Variants in SACM1L observed in about 807,000 individuals in gnomAD.
The protein encoded by SACM1L is SAC1 like phosphatidylinositide phosphatase, also known as phosphatidylinositol-3-phosphatase SAC1.
A neutral mutation model predicts 89.5 loss-of-function variants in SACM1L; 32 were observed. The observed-to-expected ratio is 0.36, with a 90% CI of 0.27 to 0.48. The LOEUF (loss-of-function observed/expected upper bound fraction) is 0.48, where lower values mean the gene tolerates loss of function less well. Among genes scored for constraint, SACM1L ranks in the 20% least tolerant of loss-of-function variants. The pLI is 0.99. For missense variants in SACM1L, 543 were observed against 708.5 expected, an observed-to-expected ratio of 0.77 and a Z score of 2.65; for synonymous variants, 213 against 232.8, an observed-to-expected ratio of 0.92 and a Z score of 0.77.
At chr3:45,734,335 C>A (rs1281689361) in intron 13 of SACM1L, among the ~76,000 whole-genome samples, 1 of 151,244 alleles carries the variant, frequency 6.6e-6, no homozygotes, top group African/African-American at 2.4e-5. Flanking sequence ...ATCACTTGAA[C>A]CTGGGAGGCA....
At chr3:45,704,075 T>C (rs989053113) in intron 2 of SACM1L, among the ~76,000 whole-genome samples, 6 of 152,204 alleles carry the variant, frequency 3.9e-5, no homozygotes, top group Non-Finnish European at 7.4e-5. Context: ...TATGCTTTTC[T>C]GGGATGTGAA....
At chr3:45,701,067 C>T (rs186647497) in intron 1 of SACM1L, among the ~76,000 whole-genome samples, 342 of 152,142 alleles carry the variant, frequency 2.2e-3, no homozygotes, top group African/African-American at 7.6e-3. Context: ...GTTTGGGTCT[C>T]GAGGTGACAA....
Position 45,697,199 on chromosome 3 carries a change from G to A in SACM1L, c.33-6239G>A, listed in dbSNP as rs112637171. On this transcript the variant is annotated intron_variant, in intron 1 of 19. Transcript: ENST00000389061. ...ACATTTTTTGTAGAGATGAGATCTC[G>A]CTGTGTTGACCAGGCTGGTCTCAAA... 7.2e-3 allele frequency among the ~76,000 whole-genome samples: 1,072 copies of A among 149,396 alleles called. 17 individuals carry two copies. The highest frequency in any genetic ancestry group is 0.023 in the African/African-American group (926 of 40,612).
Position 45,723,525 on chromosome 3 carries a change from A to C in SACM1L, c.903A>C (p.Lys301Asn). 6.7e-7 allele frequency: 1 copy of C among 1,503,482 alleles called. No individual in the cohort carries two copies. The highest frequency in any genetic ancestry group is 1.9e-5 in the Admixed American group (1 of 52,012). The allele number at this position is 1,503,482 out of a possible 1,614,324, so 93.1% of individuals were successfully genotyped here. A position where few individuals can be genotyped will look rare whatever the true frequency, so the allele number is the denominator to read the frequency against. ...HFDSQVIIYG[K>N]QVIINLINQK... ...ATTCCCAAGTAATTATTTATGGAAA[A>C]CAAGTTATAATCAATCTGGTATGTT... The change falls in exon 11 of 20, where the codon AAA becomes AAC. Residue 301 changes from lysine to asparagine, a missense_variant. Lys to Asn is a moderately conservative substitution (Grantham distance 94). Coordinates refer to ENST00000389061, the MANE Select transcript of SACM1L (RefSeq NM_014016.5).
intron 1 of SACM1L, among the ~76,000 whole-genome samples, chr3:45,692,992 A>C (rs7613833): frequency 0.024 from 3,587 of 152,374 alleles, 56 homozygotes; most frequent in Non-Finnish European, 0.04. Context: ...TACAAACATC[A>C]GAGTATAATT....
intron 1 of SACM1L, among the ~76,000 whole-genome samples, chr3:45,702,171 G>A (rs1478728448): frequency 6.6e-6 from 1 of 152,106 alleles, no homozygotes; most frequent in Non-Finnish European, 1.5e-5. Flanking sequence ...AAGGTTGTAA[G>A]TTATATTTGG....
At chr3:45,707,010 T>C in intron 4 of SACM1L, 103 bp downstream of exon 4, 3 of 1,107,986 alleles carry the variant, frequency 2.7e-6, no homozygotes, top group Non-Finnish European at 3.9e-6. Context: ...GCTATAATTA[T>C]TTTAACAACC....
rs561326094 is a variant in SACM1L at position 45,722,356 on chromosome 3, GAACCATT to G, written c.765+272_765+278del. Among the ~76,000 whole-genome samples the G allele has an allele frequency of 6.5e-3, 995 of 152,066 alleles. 9 individuals are homozygous for G. The highest frequency in any genetic ancestry group is 0.022 in the African/African-American group (931 of 41,472). ...ATGGAAATGGAGCCATCTGTCTATT[GAACCATT>G]TACATGTATTAAGGGCAGTGATGAT... On this transcript the variant is annotated intron_variant, in intron 9 of 19. Transcript: ENST00000389061.
intron 14 of SACM1L, 163 bp from the exon 15 acceptor site, chr3:45,737,420 A>G: frequency 1.5e-6 from 1 of 685,900 alleles, no homozygotes; most frequent in Non-Finnish European, 2.5e-6. Flanking sequence ...CCTGGGCAGG[A>G]GAGGGCTGCT....
chr3:45,721,946 A>T, intron 8 of SACM1L, 54 bp from the exon 9 acceptor site: 6 of 1,193,260 alleles, frequency 5.0e-6, no homozygotes, highest in Admixed American at 1.8e-5. Context: ...TGGGTTTCTG[A>T]TGTGTTTCTT....
At chr3:45,716,301 C>T (rs1004809237) in intron 7 of SACM1L, among the ~76,000 whole-genome samples, 2 of 152,102 alleles carry the variant, frequency 1.3e-5, no homozygotes, top group African/African-American at 4.8e-5. Context: ...TAGTGAGACC[C>T]TGTCTCTACA....
intron 5 of SACM1L, among the ~76,000 whole-genome samples, chr3:45,710,194 T>C (rs568541935): frequency 6.6e-6 from 1 of 151,946 alleles, no homozygotes; most frequent in Non-Finnish European, 1.5e-5. Flanking sequence ...AGGTTTTTTT[T>C]ATTTTGCTTT....
At chr3:45,695,277 T>C (rs1698093561) in intron 1 of SACM1L, among the ~76,000 whole-genome samples, 1 of 152,156 alleles carries the variant, frequency 6.6e-6, no homozygotes, top group Non-Finnish European at 1.5e-5. Context: ...TTTTTTTTTT[T>C]TGAGATGGGG....
At chr3:45,698,077 T>C (rs1450147192) in intron 1 of SACM1L, among the ~76,000 whole-genome samples, 1 of 152,154 alleles carries the variant, frequency 6.6e-6, no homozygotes, top group Non-Finnish European at 1.5e-5. Flanking sequence ...TTTTTGACGG[T>C]TTAAATGCTA....
chr3:45,721,063 C>T (rs954581484), intron 8 of SACM1L, among the ~76,000 whole-genome samples: 1 of 152,200 alleles, frequency 6.6e-6, no homozygotes, highest in Non-Finnish European at 1.5e-5. Flanking sequence ...AAGAACTAAA[C>T]AGCATCAAGA....
chr3:45,743,477 C>G (rs538390045), intron 19 of SACM1L, 56 bp from the exon 20 acceptor site: 201 of 1,514,308 alleles, frequency 1.3e-4, no homozygotes, highest in Middle Eastern at 9.4e-4. Context: ...CAGCTGAAAA[C>G]TGGGTCTGAT....
Position 45,731,373 on chromosome 3 carries a change from A to T in SACM1L, c.994A>T (p.Met332Leu), listed in dbSNP as rs768158285. Residue 332 changes from methionine (M) to leucine (L), a missense_variant, in exon 12 of 20, where the codon ATG becomes TTG. Physicochemically the swap from Met to Leu is conservative, Grantham distance 15. Around this residue, in one of 2 missense-constraint regions of SACM1L, gnomAD observed 370 missense variants for 527.6 expected, o/e 0.70. Transcript: ENST00000389061. ...AATGGTGTCTTCCTTGGGAAGTGGA[A>T]TGATGAGGTACCTCACTAGAAATCT... ...ATMVSSLGSG[M>L]MRYIAFDFHK... 4.0e-5 allele frequency: 64 copies of T among 1,609,882 alleles called. No homozygotes were observed. The highest frequency in any genetic ancestry group is 5.4e-5 in the Non-Finnish European group (63 of 1,176,522).
In SACM1L at chr3:45,739,604, T is replaced by A; in HGVS notation, c.1587T>A (p.Val529=). The A allele has an allele frequency of 6.2e-7, 1 of 1,614,172 alleles. No individual in the cohort carries two copies. Among genetic ancestry groups the A allele is most frequent in the East Asian group, 2.2e-5 (1 of 44,880 alleles). ...WKFLALPIIM[V]VAFSMCIICL... is the part of the protein sequence containing the mutation. ...TTTTCCAGTTGCCTATTATCATGGT[T>A]GTTGCCTTTTCAATGTGCATTATCT... Residue 529 remains valine (V), a synonymous_variant, in exon 19 of 20, where the codon GTT becomes GTA. Transcript: ENST00000389061.
chr3:45,709,490 G>T lies in SACM1L; in HGVS notation c.334-8G>T, dbSNP rs1226504093. On this transcript the variant is annotated splice_region_variant and splice_polypyrimidine_tract_variant and intron_variant, in intron 4 of 19. Coordinates refer to ENST00000389061, the MANE Select transcript of SACM1L (RefSeq NM_014016.5). ...TTATGAGCTATACTGATTTTTCTTT[G>T]TTTATAGTTACAAGATAATAAAACC... 2 of 1,595,614 alleles carry T rather than the reference G, an allele frequency of 1.3e-6. No homozygotes were observed. Among genetic ancestry groups the T allele is most frequent in the Non-Finnish European group, 1.7e-6 (2 of 1,171,928 alleles).
Sources: gnomAD v4.1 joint callset for allele counts (sites outside exome capture counted in the v4.1 genomes callset) on GRCh38, gnomAD v4.1.1 for gene constraint, gnomAD v4.1.1 regional missense constraint, MANE v1.5 for transcripts, NCBI Gene and HGNC (gene_info 2026-07-23, HGNC 2026-07-21) for gene names.